The following TRIO variants were observed in gnomAD, a reference collection of about 807,000 sequenced individuals.
The protein encoded by TRIO is triple functional domain protein.
In TRIO, 58 loss-of-function variants were observed where a neutral mutation model predicts 351.9. That is an observed-to-expected ratio of 0.16 (90% confidence interval 0.13 to 0.21). TRIO has a LOEUF of 0.21. TRIO is among the 10% of genes least tolerant of loss of function. TRIO has a pLI of 1.00. For missense variants in TRIO, 3,201 were observed against 4,027.8 expected (o/e 0.79, Z 5.56); for synonymous variants, 1,758 against 1,595.7 (o/e 1.10, Z -2.42).
intron 54 of TRIO, 24 bp from the exon 55 acceptor site, chr5:14,504,369 T>A: frequency 6.2e-7 from 1 of 1,613,192 alleles, no homozygotes; most frequent in Non-Finnish European, 8.5e-7. Flanking sequence ...CCTCTGCAAA[T>A]GGTCCCCCTG....
chr5:14,213,919 C>A (rs1792064872), intron 1 of TRIO, among the ~76,000 whole-genome samples: 1 of 152,202 alleles, frequency 6.6e-6, no homozygotes, highest in Non-Finnish European at 1.5e-5. Flanking sequence ...AAGTGGCACT[C>A]AGCAATGTGC....
At chr5:14,154,405 GTGGTCA>G (rs1490414772) in intron 1 of TRIO, among the ~76,000 whole-genome samples, 1 of 152,148 alleles carries the variant, frequency 6.6e-6, no homozygotes, top group African/African-American at 2.4e-5. Flanking sequence ...TAAAATGGTT[GTGGTCA>G]CTCCTGGTTT....
chr5:14,390,952 A>G lies in TRIO; in HGVS notation c.4180A>G (p.Thr1394Ala), dbSNP rs762642572. ...VTYCKNKPDS[T>A]QLILEHAGSY... The stretch of plus-strand genomic sequence containing the variant: ...ATATTGCAAAAATAAGCCTGATTCT[A>G]CTCAGCTGATATTGGAACATGCAGG... The change falls in exon 27 of 57, where the codon ACT (threonine) becomes GCT (alanine). Residue 1394 changes from threonine (T) to alanine (A), a missense_variant. This residue lies in a region of TRIO where 115 missense variants were observed against 239.6 expected (regional missense o/e 0.48). Coordinates refer to ENST00000344204, the MANE Select transcript of TRIO (RefSeq NM_007118.4). The G allele has an allele frequency of 6.2e-6, 10 of 1,611,360 alleles. No individual in the cohort carries two copies. The highest frequency in any genetic ancestry group is 1.1e-5 in the South Asian group (1 of 90,188).
intron 4 of TRIO, among the ~76,000 whole-genome samples, chr5:14,288,114 TA>T (rs1736597073): frequency 6.6e-6 from 1 of 152,232 alleles, no homozygotes; most frequent in South Asian, 2.1e-4. Flanking sequence ...TTTATCTTCA[TA>T]GAGAATAGGA....
intron 1 of TRIO, among the ~76,000 whole-genome samples, chr5:14,246,816 G>A (rs763434804): frequency 6.6e-6 from 1 of 152,146 alleles, no homozygotes; most frequent in Non-Finnish European, 1.5e-5. Flanking sequence ...CCTGTCTCTC[G>A]GATTCTTCGG....
chr5:14,230,123 C>G (rs116990067), intron 1 of TRIO, among the ~76,000 whole-genome samples: 1 of 152,210 alleles, frequency 6.6e-6, no homozygotes, highest in Admixed American at 6.5e-5. Flanking sequence ...TTATGAGCCA[C>G]TTTGCCACTG....
chr5:14,488,291 GC>G (rs1561550439), intron 48 of TRIO, 31 bp downstream of exon 48: 2 of 1,141,412 alleles, frequency 1.8e-6, no homozygotes, highest in South Asian at 2.6e-5. Flanking sequence ...GCGCCCTCCC[GC>G]CCCCCTGCCT....
At chr5:14,285,517 G>A (rs1736364508) in intron 3 of TRIO, among the ~76,000 whole-genome samples, 1 of 152,044 alleles carries the variant, frequency 6.6e-6, no homozygotes, top group Admixed American at 6.6e-5. Context: ...AGAAGGGAAT[G>A]GGGTGTGTGA....
In TRIO at chr5:14,267,598, C is replaced by G. The variant is rs951350227; in HGVS notation, c.158-3227C>G. ...AATTTTTTAGAACGTTTTTATAGTTCCACACTGTTTTCCTAAATAGCTCTT... is the reference window on the plus strand; with the variant it reads ...AATTTTTTAGAACGTTTTTATAGTTGCACACTGTTTTCCTAAATAGCTCTT... On this transcript the variant is annotated intron_variant, in intron 1 of 56. Transcript: ENST00000344204. 5.9e-5 allele frequency among the ~76,000 whole-genome samples: 9 copies of G among 152,138 alleles called. No individual in the cohort carries two copies. In the South Asian group the frequency reaches 1.7e-3, roughly 28 times the overall value.
chr5:14,314,294 CAA>C (rs1479142031), intron 8 of TRIO, among the ~76,000 whole-genome samples: 3 of 152,076 alleles, frequency 2.0e-5, no homozygotes, highest in Non-Finnish European at 4.4e-5. Context: ...AAGTTGGAGA[CAA>C]AGGTGATTTA....
At chr5:14,269,601 C>T (rs1049063426) in intron 1 of TRIO, among the ~76,000 whole-genome samples, 2 of 152,228 alleles carry the variant, frequency 1.3e-5, no homozygotes, top group Non-Finnish European at 2.9e-5. Context: ...GGGTTGTGTA[C>T]CCAGGGTCAT....
intron 8 of TRIO, among the ~76,000 whole-genome samples, chr5:14,305,359 C>G (rs1738268503): frequency 6.6e-6 from 1 of 152,310 alleles, no homozygotes; most frequent in South Asian, 2.1e-4. Flanking sequence ...TCCTCTGGCC[C>G]TTGAGACCAG....
Position 14,507,285 on chromosome 5 carries a change from A to G in TRIO, c.8751+25A>G, listed in dbSNP as rs766976289. The stretch of plus-strand genomic sequence containing the variant: ...GGTTGGTGAGGCCCCGGGCAGGTGA[A>G]GGGGGGTCTGAGCACACCGGCTTGG... On this transcript the variant is annotated intron_variant, in intron 56 of 56. Transcript: ENST00000344204. 1.4e-5 allele frequency: 22 copies of G among 1,609,924 alleles called. No individual in the cohort carries two copies. The South Asian group carries it at 2.0e-4, about 14-fold the overall frequency.
At chr5:14,178,952 G>A (rs1415100428) in intron 1 of TRIO, among the ~76,000 whole-genome samples, 2 of 152,182 alleles carry the variant, frequency 1.3e-5, no homozygotes, top group African/African-American at 4.8e-5. Context: ...CTTGAGCCAT[G>A]AATCAGGATT....
At chr5:14,260,759 C>T (rs537303734) in intron 1 of TRIO, among the ~76,000 whole-genome samples, 34 of 152,250 alleles carry the variant, frequency 2.2e-4, no homozygotes, top group African/African-American at 7.2e-4. Context: ...TTGTGGAGTA[C>T]ATTAGGGAAA....
At chr5:14,452,549 C>T (rs1281997842) in intron 34 of TRIO, among the ~76,000 whole-genome samples, 1 of 152,174 alleles carries the variant, frequency 6.6e-6, no homozygotes, top group Non-Finnish European at 1.5e-5. Flanking sequence ...AAAGACCACA[C>T]CAGGCAAATA....
intron 6 of TRIO, among the ~76,000 whole-genome samples, chr5:14,296,433 A>G (rs189387018): frequency 5.3e-5 from 8 of 152,334 alleles, no homozygotes; most frequent in African/African-American, 9.6e-5. Flanking sequence ...TATTTTTGCA[A>G]TAAACTGATA....
chr5:14,507,694 C>G (rs552410877), intron 56 of TRIO, among the ~76,000 whole-genome samples, 186 bp from the exon 57 acceptor site: 3 of 148,726 alleles, frequency 2.0e-5, no homozygotes, highest in African/African-American at 7.5e-5. Flanking sequence ...GTCCCAGCTC[C>G]GCTGTGTCAT....
intron 33 of TRIO, 47 bp downstream of exon 33, chr5:14,406,719 C>G (rs2152380923): frequency 6.3e-7 from 1 of 1,579,068 alleles, no homozygotes; most frequent in Middle Eastern, 1.8e-4. Flanking sequence ...TGTGGCCAGT[C>G]TCTGGTCAAA....
Sources: allele counts gnomAD v4.1 joint callset (sites outside exome capture counted in the v4.1 genomes callset), GRCh38; gene constraint gnomAD v4.1.1; regional missense constraint gnomAD v4.1.1; transcripts MANE v1.5; gene names NCBI Gene and HGNC (gene_info 2026-07-23, HGNC 2026-07-21).